VAV2: variants seen among roughly 807,000 people sequenced by gnomAD.
VAV2 encodes the protein vav guanine nucleotide exchange factor 2, also known as guanine nucleotide exchange factor VAV2.
Under a neutral mutation model 132.5 loss-of-function variants are expected in VAV2, and 67 were observed. The observed-to-expected ratio is 0.51, with a 90% CI of 0.42 to 0.62. VAV2 has a LOEUF of 0.62. Among genes scored for constraint, VAV2 ranks in the 20% least tolerant of loss-of-function variants. The pLI is 0.00. For synonymous variants in VAV2, 492 were observed against 443.5 expected, an observed-to-expected ratio of 1.11 and a Z score of -1.37; for missense variants, 938 against 1,153.6, an observed-to-expected ratio of 0.81 and a Z score of 2.71.
At position 133,833,209 on chromosome 9, in the gene VAV2, A is replaced by G. The variant is rs927922129; in HGVS notation, c.449+1063T>C. Among the ~76,000 whole-genome samples the G allele has an allele frequency of 9.2e-5, 14 of 152,152 alleles. No individual in the cohort carries two copies. The highest frequency in any genetic ancestry group is 2.9e-4 in the African/African-American group (12 of 41,440). On this transcript the variant is annotated intron_variant, in intron 4 of 29. Transcript: ENST00000371850. This position sits in a 1 kb window ranked among gnomAD's most constrained non-coding sequence, Gnocchi z 5.6. ...TATGGGGATGACTTGAATTGTGTAT[A>G]TACACAGGGATCCTGCGGAAAGTAT...
intron 2 of VAV2, among the ~76,000 whole-genome samples, chr9:133,907,238 A>G (rs1839691445): frequency 6.6e-6 from 1 of 152,028 alleles, no homozygotes; most frequent in Admixed American, 6.5e-5. Flanking sequence ...CTCCCTACAG[A>G]CCATCGAACC....
At chr9:133,899,311 C>T (rs57410174) in intron 2 of VAV2, among the ~76,000 whole-genome samples, 33,390 of 151,496 alleles carry the variant, frequency 0.22, 3,797 homozygotes, top group African/African-American at 0.25. Flanking sequence ...AACCCCAGCA[C>T]TTTGGGAGGC....
intron 9 of VAV2, among the ~76,000 whole-genome samples, chr9:133,799,025 G>A (rs1834830153): frequency 6.6e-6 from 1 of 152,236 alleles, no homozygotes; most frequent in Non-Finnish European, 1.5e-5. Flanking sequence ...TTGCCGTAGG[G>A]CACCCGGCCT....
chr9:133,831,823 G>A (rs953482255), intron 4 of VAV2, among the ~76,000 whole-genome samples: 3 of 152,234 alleles, frequency 2.0e-5, no homozygotes, highest in Non-Finnish European at 2.9e-5. Context: ...GGGGGCACAG[G>A]CTCTGTGTGG....
chr9:133,854,786 G>A (rs998635688), intron 3 of VAV2, among the ~76,000 whole-genome samples: 2 of 152,126 alleles, frequency 1.3e-5, no homozygotes, highest in East Asian at 1.9e-4. Flanking sequence ...TTATTGTAAC[G>A]AAAGGAAAGA....
At chr9:133,905,803 G>A (rs554152168) in intron 2 of VAV2, among the ~76,000 whole-genome samples, 6 of 152,156 alleles carry the variant, frequency 3.9e-5, no homozygotes, top group East Asian at 3.9e-4. Flanking sequence ...TTGGGAGGCC[G>A]AGACAGGAGG....
Position 133,919,933 on chromosome 9 carries a change from G to A in VAV2, c.321+19170C>T, listed in dbSNP as rs977761500. On this transcript the variant is annotated intron_variant, in intron 2 of 29. Coordinates refer to ENST00000371850, the MANE Select transcript of VAV2 (RefSeq NM_001134398.2). This position sits in a 1 kb window ranked among gnomAD's most constrained non-coding sequence, Gnocchi z 5.8. ...CGGCGGACCCAAGGCTGCTTTCCAC[G>A]TTGCCCAGTCCTGCTCTGCCAGGCC... Among the ~76,000 whole-genome samples the A allele has an allele frequency of 5.9e-5, 9 of 152,110 alleles. No individual in the cohort carries two copies. Among genetic ancestry groups the A allele is most frequent in the African/African-American group, 1.9e-4 (8 of 41,430 alleles).
chr9:133,858,861 G>A (rs1837486750), intron 3 of VAV2, among the ~76,000 whole-genome samples: 1 of 152,204 alleles, frequency 6.6e-6, no homozygotes, highest in African/African-American at 2.4e-5. Context: ...CAGCCTTCAG[G>A]GCTGGGGTCT....
chr9:133,905,510 G>A (rs1281221160), intron 2 of VAV2, among the ~76,000 whole-genome samples: 1 of 151,728 alleles, frequency 6.6e-6, no homozygotes, highest in East Asian at 1.9e-4. Flanking sequence ...AGGACATGAT[G>A]CCATCCTGAG....
At chr9:133,896,903 G>T (rs1054146993) in intron 2 of VAV2, among the ~76,000 whole-genome samples, 1 of 152,114 alleles carries the variant, frequency 6.6e-6, no homozygotes, top group Non-Finnish European at 1.5e-5. Flanking sequence ...GACCATCCTG[G>T]CTAACATGGT....
At chr9:133,968,905 G>A (rs546665817) in intron 1 of VAV2, among the ~76,000 whole-genome samples, 6 of 152,260 alleles carry the variant, frequency 3.9e-5, no homozygotes, top group Admixed American at 6.5e-5. Context: ...GAACCACCAC[G>A]AGGCTATTTC....
intron 1 of VAV2, among the ~76,000 whole-genome samples, chr9:133,952,338 T>A (rs1841587706): frequency 6.6e-6 from 1 of 152,066 alleles, no homozygotes; most frequent in Non-Finnish European, 1.5e-5. Context: ...GTGCGGTGGC[T>A]CACGTCTATA....
chr9:133,933,191 C>T (rs1194343174), intron 2 of VAV2, among the ~76,000 whole-genome samples: 1 of 152,242 alleles, frequency 6.6e-6, no homozygotes. Flanking sequence ...ACTCCAGTGT[C>T]CAAGGCTGAT....
At chr9:133,830,592 C>T (rs980117341) in intron 4 of VAV2, among the ~76,000 whole-genome samples, 3 of 152,172 alleles carry the variant, frequency 2.0e-5, no homozygotes, top group South Asian at 2.1e-4. Flanking sequence ...CTCCCCAGTC[C>T]GGTGGAACTG....
chr9:133,881,016 C>G (rs749763436), intron 2 of VAV2, among the ~76,000 whole-genome samples: 8 of 152,340 alleles, frequency 5.3e-5, no homozygotes, highest in Non-Finnish European at 8.8e-5. Context: ...AGCAACACCC[C>G]CCTCCATACA....
At chr9:133,781,301 AGCCATCT>A (rs1399547523) in intron 19 of VAV2, among the ~76,000 whole-genome samples, 5 of 152,254 alleles carry the variant, frequency 3.3e-5, no homozygotes, top group African/African-American at 9.6e-5. Flanking sequence ...TTTAGGGCCC[AGCCATCT>A]GCCAAGGTGG....
intron 3 of VAV2, among the ~76,000 whole-genome samples, chr9:133,853,348 C>T (rs1199529906): frequency 6.6e-6 from 1 of 152,144 alleles, no homozygotes; most frequent in African/African-American, 2.4e-5. Flanking sequence ...AGGCTTGGTA[C>T]AGAGCTGCCC....
chr9:133,799,656 A>G (rs1209351094), intron 9 of VAV2, among the ~76,000 whole-genome samples: 1 of 152,130 alleles, frequency 6.6e-6, no homozygotes, highest in Non-Finnish European at 1.5e-5. Context: ...GCCACTTTAA[A>G]TGGGAACCTG....
At chr9:133,938,503 C>T (rs1351803103) in intron 2 of VAV2, among the ~76,000 whole-genome samples, 6 of 32,626 alleles carry the variant, frequency 1.8e-4, no homozygotes, top group Non-Finnish European at 3.4e-4. Context: ...TGCACCAGCC[C>T]GGCTCCTGCA....
Sources: gnomAD v4.1 joint callset for allele counts (sites outside exome capture counted in the v4.1 genomes callset) on GRCh38, gnomAD v4.1.1 for gene constraint, Gnocchi (gnomAD v3.1) non-coding constraint, MANE v1.5 for transcripts, NCBI Gene and HGNC (gene_info 2026-07-23, HGNC 2026-07-21) for gene names.